Variants in TOPBP1 observed in about 807,000 individuals in gnomAD.
The protein encoded by TOPBP1 is DNA topoisomerase II binding protein 1, also known as DNA topoisomerase 2-binding protein 1.
A neutral mutation model predicts 167.7 loss-of-function variants in TOPBP1; 28 were observed. The observed-to-expected ratio is 0.17, with a 90% CI of 0.12 to 0.23. TOPBP1 has a LOEUF of 0.23. Among genes scored for constraint, TOPBP1 ranks in the 10% least tolerant of loss-of-function variants. The pLI, the probability that TOPBP1 is intolerant of heterozygous loss-of-function variation, is 1.00. For missense variants in TOPBP1, 1,554 were observed against 1,809.6 expected (o/e 0.86, Z 2.56); for synonymous variants, 598 against 611.4 (o/e 0.98, Z 0.32).
rs1934265231 is a variant in TOPBP1, at chr3:133,600,836, A to G, written c.*414T>C. On this transcript the variant is annotated 3_prime_UTR_variant, in exon 28 of 28. Coordinates refer to ENST00000260810, the MANE Select transcript of TOPBP1 (RefSeq NM_007027.4). ...AAAGAGGTAAAATGGTGAGAAGATA[A>G]AAATCAGGGAAAACATGAATAAATG... 1 of 164,118 alleles carries G rather than the reference A, an allele frequency of 6.1e-6. No individual in the cohort carries two copies. Among genetic ancestry groups the G allele is most frequent in the Non-Finnish European group, 1.3e-5 (1 of 76,476 alleles). The allele number at this position is 164,118 out of a possible 1,614,324, so 10.2% of individuals were successfully genotyped here.
Position 133,652,501 on chromosome 3 carries a change from C to T in TOPBP1, c.1051G>A (p.Ala351Thr), listed in dbSNP as rs760892070. Residue 351 changes from alanine (A) to threonine (T), a missense_variant, in exon 8 of 28, where the codon GCA (alanine) becomes ACA (threonine). This residue lies in a region of TOPBP1 where 1,197 missense variants were observed against 1,351.5 expected (regional missense o/e 0.89). Transcript: ENST00000260810. ...LENLENLDVSAFQAPEDLLDG... is the reference protein window; with the variant it reads ...LENLENLDVSTFQAPEDLLDG... ...AATAAATCTTCAGGTGCTTGAAATG[C>T]ACTGACATCCAGATTTTCTAGATTT... The T allele has an allele frequency of 6.2e-7, 1 of 1,611,878 alleles. No homozygotes were observed. Among genetic ancestry groups the T allele is most frequent in the Non-Finnish European group, 8.5e-7 (1 of 1,179,824 alleles).
intron 14 of TOPBP1, among the ~76,000 whole-genome samples, chr3:133,630,065 C>T (rs1194794062): frequency 9.2e-5 from 14 of 152,072 alleles, no homozygotes; most frequent in Admixed American, 8.5e-4. Flanking sequence ...GGATAACAGG[C>T]GTGAGCCACC....
intron 17 of TOPBP1, 118 bp from the exon 18 acceptor site, chr3:133,623,575 A>G (rs1935170887): frequency 8.2e-7 from 1 of 1,215,796 alleles, no homozygotes; most frequent in African/African-American, 1.5e-5. Flanking sequence ...AGTTCACAAA[A>G]CTGGTTTGAA....
intron 16 of TOPBP1, 109 bp from the exon 17 acceptor site, chr3:133,624,284 G>C (rs1333306744): frequency 8.0e-7 from 1 of 1,254,656 alleles, no homozygotes; most frequent in African/African-American, 1.5e-5. Flanking sequence ...CAAAACTTTC[G>C]GACTAGAGTA....
chr3:133,630,963 G>C (rs1456201457), intron 14 of TOPBP1, among the ~76,000 whole-genome samples: 5 of 152,198 alleles, frequency 3.3e-5, no homozygotes, highest in African/African-American at 4.8e-5. Flanking sequence ...GGGAGGCCAA[G>C]GCAGAACTGC....
Position 133,601,205 on chromosome 3 carries a change from A to G in TOPBP1, c.*45T>C. 6.5e-7 allele frequency: 1 copy of G among 1,542,016 alleles called. No homozygotes were observed. Among genetic ancestry groups the G allele is most frequent in the Non-Finnish European group, 8.7e-7 (1 of 1,145,340 alleles). On this transcript the variant is annotated 3_prime_UTR_variant, in exon 28 of 28. Coordinates refer to ENST00000260810, the MANE Select transcript of TOPBP1 (RefSeq NM_007027.4). ...TATCACAGTCACATTCAGGCTTTCA[A>G]TTTTTAAAAACATTTAATGTTTGGT...
Position 133,601,348 on chromosome 3 carries a change from A to C in TOPBP1, c.4471T>G (p.Ser1491Ala), listed in dbSNP as rs1934290293. 6.3e-7 allele frequency: 1 copy of C among 1,586,194 alleles called. No individual in the cohort carries two copies. The highest frequency in any genetic ancestry group is 2.2e-5 in the East Asian group (1 of 44,482). Residue 1491 changes from serine to alanine, a missense_variant, in exon 28 of 28, where the codon TCA becomes GCA. Ser to Ala is a moderately conservative substitution (Grantham distance 99, BLOSUM62 1). Coordinates refer to ENST00000260810, the MANE Select transcript of TOPBP1 (RefSeq NM_007027.4). ...AGTTCCTTATTATTCTGAATAAATG[A>C]AATAGCTTCTGGTAGACAGTAATTT... ...VENYCLPEAI[S>A]FIQNNKELGT...
At chr3:133,612,356 G>T (rs759587192) in intron 24 of TOPBP1, 33 bp downstream of exon 24, 3 of 1,610,352 alleles carry the variant, frequency 1.9e-6, no homozygotes, top group Non-Finnish European at 2.5e-6. Flanking sequence ...TGCTTTTAAA[G>T]AAAAATAAAC....
chr3:133,619,699 GA>G (rs1310498439), intron 20 of TOPBP1, among the ~76,000 whole-genome samples: 1 of 152,196 alleles, frequency 6.6e-6, no homozygotes, highest in Non-Finnish European at 1.5e-5. Context: ...AGAGCAGAGA[GA>G]ACTGCCTACT....
At chr3:133,660,476 TA>T (rs1010049780) in intron 2 of TOPBP1, among the ~76,000 whole-genome samples, 1 of 152,178 alleles carries the variant, frequency 6.6e-6, no homozygotes, top group African/African-American at 2.4e-5. Flanking sequence ...GAATGAAGTT[TA>T]AAAAAATCTG....
At chr3:133,632,234 G>A (rs1338692358) in intron 14 of TOPBP1, among the ~76,000 whole-genome samples, 2 of 151,566 alleles carry the variant, frequency 1.3e-5, no homozygotes, top group East Asian at 3.9e-4. Flanking sequence ...GTGAAACCCC[G>A]TCTCTACTGA....
In TOPBP1 at chr3:133,649,388, G is replaced by C; in HGVS notation, c.1499C>G (p.Thr500Arg). 2 of 1,612,638 alleles carry C rather than the reference G, an allele frequency of 1.2e-6. No individual in the cohort carries two copies. Among genetic ancestry groups the C allele is most frequent in the Non-Finnish European group, 8.5e-7 (1 of 1,179,702 alleles). The change falls in exon 10 of 28, where the codon ACA becomes AGA. Residue 500 changes from threonine (T) to arginine (R), a missense_variant. This residue lies in a region of TOPBP1 where 1,197 missense variants were observed against 1,351.5 expected (regional missense o/e 0.89). Coordinates refer to ENST00000260810, the MANE Select transcript of TOPBP1 (RefSeq NM_007027.4). ...LLSQYENGSSTVVEAKTSEAR... is the reference protein window; with the variant it reads ...LLSQYENGSSRVVEAKTSEAR... Reference sequence around the variant, plus strand: ...ACTAATCAAGCATTTCTTACCTACTGTGGAGCTACCATTTTCATATTGAGA... The same window carrying C: ...ACTAATCAAGCATTTCTTACCTACTCTGGAGCTACCATTTTCATATTGAGA...
In TOPBP1 at chr3:133,661,893, C is replaced by T. The variant is rs1295394709; in HGVS notation, c.-132G>A. 2.6e-5 allele frequency: 4 copies of T among 152,368 alleles called. No homozygotes were observed. The highest frequency in any genetic ancestry group is 1.9e-4 in the East Asian group (1 of 5,184). 9.4% of individuals were successfully genotyped at this position (152,368 alleles called of 1,614,324 possible). On this transcript the variant is annotated 5_prime_UTR_variant, in exon 1 of 28. Transcript: ENST00000260810. ...CCCCGACTCGGCGCCGCCCCTACCC[C>T]AAAGCAAACGCTGGAGAACCCGGAA...
chr3:133,653,316 A>C, intron 7 of TOPBP1, 29 bp downstream of exon 7: 1 of 1,531,668 alleles, frequency 6.5e-7, no homozygotes, highest in Non-Finnish European at 8.7e-7. Flanking sequence ...TGTCTTCAGA[A>C]TAATTATTTT....
Position 133,619,527 on chromosome 3 carries a change from T to A in TOPBP1, c.3371+628A>T, listed in dbSNP as rs1935015284. Reference sequence around the variant, plus strand: ...AGTCACATCACACTAGAAACTGTAATCACCTTTTCTAGAAGATAAATTTTA... The same window carrying A: ...AGTCACATCACACTAGAAACTGTAAACACCTTTTCTAGAAGATAAATTTTA... On this transcript the variant is annotated intron_variant, in intron 20 of 27. Transcript: ENST00000260810. 2.0e-5 allele frequency among the ~76,000 whole-genome samples: 3 copies of A among 152,150 alleles called. No individual in the cohort carries two copies. The South Asian group carries it at 6.2e-4, about 31-fold the overall frequency.
intron 10 of TOPBP1, 122 bp from the exon 11 acceptor site, chr3:133,644,485 T>C: frequency 1.0e-6 from 1 of 952,530 alleles, no homozygotes. Context: ...AACTAAAGCT[T>C]ACGTGTATAA....
intron 27 of TOPBP1, among the ~76,000 whole-genome samples, chr3:133,607,823 G>A (rs1412677472): frequency 3.9e-5 from 6 of 152,184 alleles, no homozygotes; most frequent in Non-Finnish European, 8.8e-5. Context: ...TAATCAGTAT[G>A]CCCTCTGCTC....
Position 133,657,905 on chromosome 3 carries a change from A to G in TOPBP1, c.256T>C (p.Phe86Leu). 1 of 1,595,006 alleles carries G rather than the reference A, an allele frequency of 6.3e-7. No individual in the cohort carries two copies. Among genetic ancestry groups the G allele is most frequent in the South Asian group, 1.1e-5 (1 of 87,428 alleles). The change falls in exon 4 of 28, where the codon TTT (phenylalanine) becomes CTT (leucine). Residue 86 changes from phenylalanine (F) to leucine (L), a missense_variant. By Grantham distance (22) the Phe-to-Leu change is conservative. Coordinates refer to ENST00000260810, the MANE Select transcript of TOPBP1 (RefSeq NM_007027.4). ...CRIVGPQVVI[F>L]CMHHQRCVPR... ...ACACATCGCTGGTGGTGCATACAAAATATGACTACTTGAGGACCAACAATT... is the reference window on the plus strand; with the variant it reads ...ACACATCGCTGGTGGTGCATACAAAGTATGACTACTTGAGGACCAACAATT...
At chr3:133,658,184 C>A (rs985430248) in intron 3 of TOPBP1, among the ~76,000 whole-genome samples, 8 of 152,200 alleles carry the variant, frequency 5.3e-5, no homozygotes, top group African/African-American at 1.9e-4. Context: ...AAACTTCAGG[C>A]CAGGCACAGT....
Sources: gnomAD v4.1 joint callset for allele counts (sites outside exome capture counted in the v4.1 genomes callset) on GRCh38, gnomAD v4.1.1 for gene constraint, gnomAD v4.1.1 regional missense constraint, MANE v1.5 for transcripts, NCBI Gene and HGNC (gene_info 2026-07-23, HGNC 2026-07-21) for gene names.